ZNF385B: variants seen among roughly 807,000 people sequenced by gnomAD.
The protein encoded by ZNF385B is zinc finger protein 533.
A neutral mutation model predicts 39.2 loss-of-function variants in ZNF385B; 23 were observed. The ratio of observed to expected loss-of-function variants is 0.59; its 90% confidence interval spans 0.42 to 0.83. The LOEUF (loss-of-function observed/expected upper bound fraction) is 0.83. Ranked by LOEUF, ZNF385B falls within the 40% of genes least tolerant of loss-of-function variation. The pLI is 0.00. For synonymous variants in ZNF385B, 205 were observed against 222.6 expected, an observed-to-expected ratio of 0.92 and a Z score of 0.70; for missense variants, 552 against 598.9, an observed-to-expected ratio of 0.92 and a Z score of 0.82.
chr2:179,810,281 A>T (rs564355049), intron 1 of ZNF385B, among the ~76,000 whole-genome samples: 1 of 152,034 alleles, frequency 6.6e-6, no homozygotes, highest in Admixed American at 6.5e-5. Context: ...AGAAAAACAG[A>T]CAATTTCAAA....
At chr2:179,804,434 G>A (rs1451529085) in intron 1 of ZNF385B, among the ~76,000 whole-genome samples, 1 of 152,186 alleles carries the variant, frequency 6.6e-6, no homozygotes, top group East Asian at 1.9e-4. Context: ...CACAGTCTGT[G>A]GGAGGCAAGA....
chr2:179,726,519 G>A (rs555172978), intron 3 of ZNF385B, among the ~76,000 whole-genome samples: 3 of 152,058 alleles, frequency 2.0e-5, no homozygotes, highest in African/African-American at 2.4e-5. Context: ...TTTTTCATAC[G>A]GTAAATGTGA....
At chr2:179,506,876 T>C (rs577891204) in intron 5 of ZNF385B, among the ~76,000 whole-genome samples, 10 of 152,210 alleles carry the variant, frequency 6.6e-5, no homozygotes, top group African/African-American at 2.2e-4. Flanking sequence ...GTAAGGAAAT[T>C]ATTATTTATT....
chr2:179,859,454 A>G (rs962802361), intron 1 of ZNF385B, among the ~76,000 whole-genome samples: 2 of 152,236 alleles, frequency 1.3e-5, no homozygotes, highest in African/African-American at 4.8e-5. Context: ...AACAAAGCAC[A>G]TAAGAAACTA....
chr2:179,772,991 G>T (rs1296831314), intron 1 of ZNF385B, among the ~76,000 whole-genome samples: 1 of 152,196 alleles, frequency 6.6e-6, no homozygotes. Flanking sequence ...ATGAGAAAAT[G>T]TTGGTCCTTG....
chr2:179,578,112 C>A (rs929909708), intron 3 of ZNF385B, among the ~76,000 whole-genome samples: 1 of 152,036 alleles, frequency 6.6e-6, no homozygotes, highest in Non-Finnish European at 1.5e-5. Flanking sequence ...TTGATAGATT[C>A]TTTGGATAAT....
intron 3 of ZNF385B, among the ~76,000 whole-genome samples, chr2:179,632,515 C>T (rs1378266404): frequency 6.6e-6 from 1 of 152,132 alleles, no homozygotes; most frequent in Non-Finnish European, 1.5e-5. Flanking sequence ...AGAACAAAGA[C>T]ACAACATACC....
intron 1 of ZNF385B, among the ~76,000 whole-genome samples, chr2:179,860,112 T>C (rs1285759335): frequency 6.6e-6 from 1 of 152,186 alleles, no homozygotes; most frequent in Non-Finnish European, 1.5e-5. Flanking sequence ...CTACTACATC[T>C]TGACAAAGTT....
chr2:179,543,078 C>G (rs543601197), intron 4 of ZNF385B, among the ~76,000 whole-genome samples: 1 of 152,252 alleles, frequency 6.6e-6, no homozygotes, highest in African/African-American at 2.4e-5. Flanking sequence ...CTGAGAACAG[C>G]CTGGCCAACA....
intron 3 of ZNF385B, among the ~76,000 whole-genome samples, chr2:179,769,218 A>G (rs1703871465): frequency 6.6e-6 from 1 of 152,230 alleles, no homozygotes; most frequent in Non-Finnish European, 1.5e-5. Context: ...TTCAAAATAC[A>G]TTCAGAAGTG....
chr2:179,591,404 A>G (rs894550739), intron 3 of ZNF385B, among the ~76,000 whole-genome samples: 2 of 152,160 alleles, frequency 1.3e-5, no homozygotes, highest in African/African-American at 4.8e-5. Context: ...GAGCAATGAA[A>G]GGGCTTTGGG....
chr2:179,592,002 A>G (rs988788185), intron 3 of ZNF385B, among the ~76,000 whole-genome samples: 2 of 152,202 alleles, frequency 1.3e-5, no homozygotes, highest in African/African-American at 4.8e-5. Flanking sequence ...GTTAACAGCA[A>G]TATAATTAGG....
At chr2:179,722,947 T>C (rs1575346071) in intron 3 of ZNF385B, among the ~76,000 whole-genome samples, 2 of 152,142 alleles carry the variant, frequency 1.3e-5, no homozygotes, top group South Asian at 4.1e-4. Flanking sequence ...CCAAAAAACA[T>C]GAAAAGATGC....
chr2:179,764,383 G>GTT (rs201234465), intron 3 of ZNF385B, among the ~76,000 whole-genome samples: 1 of 150,030 alleles, frequency 6.7e-6, no homozygotes. Context: ...ATATAGTTGG[G>GTT]TTTTTTTTTA....
chr2:179,639,934 G>T (rs943146372), intron 3 of ZNF385B, among the ~76,000 whole-genome samples: 7 of 152,164 alleles, frequency 4.6e-5, no homozygotes, highest in African/African-American at 1.7e-4. Flanking sequence ...CATACTCTGA[G>T]AATGACACTG....
chr2:179,847,247 C>G (rs958036094), intron 1 of ZNF385B, among the ~76,000 whole-genome samples: 1 of 152,074 alleles, frequency 6.6e-6, no homozygotes, highest in African/African-American at 2.4e-5. Flanking sequence ...CTGAGTGGTC[C>G]CCACACTATA....
intron 3 of ZNF385B, among the ~76,000 whole-genome samples, chr2:179,751,407 T>C (rs2106469193): frequency 6.6e-6 from 1 of 152,280 alleles, no homozygotes; most frequent in Admixed American, 6.5e-5. Flanking sequence ...TTCTGTGGTA[T>C]CGCGTTTTCA....
intron 5 of ZNF385B, among the ~76,000 whole-genome samples, chr2:179,510,275 A>G (rs552141843): frequency 8.5e-6 from 1 of 117,922 alleles, no homozygotes; most frequent in East Asian, 2.9e-4. Context: ...TATCTATCTT[A>G]TATGTTCATA....
chr2:179,692,386 A>G (rs1471168490), intron 3 of ZNF385B, among the ~76,000 whole-genome samples: 2 of 152,112 alleles, frequency 1.3e-5, no homozygotes, highest in East Asian at 1.9e-4. Flanking sequence ...TTGTCACCAC[A>G]TGTATCCTTC....
Sources: gnomAD v4.1 joint callset for allele counts (sites outside exome capture counted in the v4.1 genomes callset) on GRCh38, gnomAD v4.1.1 for gene constraint, MANE v1.5 for transcripts, NCBI Gene and HGNC (gene_info 2026-07-23, HGNC 2026-07-21) for gene names.